Variants in SLC12A3 observed in about 807,000 individuals in gnomAD.
SLC12A3 encodes solute carrier family 12 member 3.
In SLC12A3, 104 loss-of-function variants were observed where a neutral mutation model predicts 121.0. The ratio of observed to expected loss-of-function variants is 0.86; its 90% confidence interval spans 0.73 to 1.01. The LOEUF is 1.01. SLC12A3 is among the 50% of genes least tolerant of loss of function. SLC12A3 has a pLI of 0.00. For synonymous variants in SLC12A3, 536 were observed against 533.4 expected (o/e 1.00, Z -0.07); for missense variants, 1,328 against 1,356.3 (o/e 0.98, Z 0.33).
At chr16:56,900,217 G>T (rs143276561) in intron 23 of SLC12A3, among the ~76,000 whole-genome samples, 155 of 152,218 alleles carry the variant, frequency 1.0e-3, no homozygotes, top group Middle Eastern at 3.4e-3. Context: ...GAAAGGAGCT[G>T]TGTAATAGTG....
chr16:56,892,117 G>A lies in SLC12A3; in HGVS notation c.2403G>A (p.Lys801=). The A allele has an allele frequency of 6.2e-7, 1 of 1,613,966 alleles. No individual in the cohort carries two copies. The highest frequency in any genetic ancestry group is 1.1e-5 in the South Asian group (1 of 91,068). ...TGTTTGACCCAGCGGAGGACGGGAA[G>A]GAAGCCAGCGCCAGAGGTGCCAGGC... is the stretch of plus-strand genomic sequence containing the variant. The part of the protein sequence containing the change: ...NPVFDPAEDG[K]EASARVDPKA... The change falls in exon 20 of 26, where the codon AAG becomes AAA. Residue 801 remains lysine, a synonymous_variant. Coordinates refer to ENST00000563236, the MANE Select transcript of SLC12A3 (RefSeq NM_001126108.2).
chr16:56,898,678 G>A (rs2055497984), intron 22 of SLC12A3, among the ~76,000 whole-genome samples: 1 of 152,090 alleles, frequency 6.6e-6, no homozygotes, highest in Non-Finnish European at 1.5e-5. Context: ...CCACCTCTGT[G>A]AAGTCTTCCC....
rs13306668 is a variant in SLC12A3, at chr16:56,879,088, G to C, written c.1196G>C (p.Arg399Pro). 1 of 1,611,818 alleles carries C rather than the reference G, an allele frequency of 6.2e-7. No individual in the cohort carries two copies. Among genetic ancestry groups the C allele is most frequent in the Non-Finnish European group, 8.5e-7 (1 of 1,179,332 alleles). The part of the protein sequence containing the change: ...ISATIGSCVV[R>P]DASGVLNDTV... Reference sequence around the variant, plus strand: ...CTCCTCTCAGGCTCCTGCGTGGTGCGTGATGCCTCTGGGGTCCTGAATGAC... The same window carrying C: ...CTCCTCTCAGGCTCCTGCGTGGTGCCTGATGCCTCTGGGGTCCTGAATGAC... Residue 399 changes from arginine to proline, a missense_variant, in exon 10 of 26, where the codon CGT (arginine) becomes CCT (proline). Physicochemically the swap from Arg to Pro is moderately radical, Grantham distance 103 (BLOSUM62 -2). Transcript: ENST00000563236.
intron 25 of SLC12A3, among the ~76,000 whole-genome samples, chr16:56,907,284 C>T (rs1464716662): frequency 3.9e-5 from 6 of 152,130 alleles, no homozygotes; most frequent in Non-Finnish European, 7.4e-5. Flanking sequence ...GGTGAAACCC[C>T]ACCTCTACTA....
At chr16:56,893,290 G>A (rs1421448473) in intron 21 of SLC12A3, among the ~76,000 whole-genome samples, 1 of 152,228 alleles carries the variant, frequency 6.6e-6, no homozygotes, top group African/African-American at 2.4e-5. Context: ...TGACTGGATG[G>A]CCCTTAGGGG....
At chr16:56,882,819 G>C (rs1404388157) in intron 13 of SLC12A3, among the ~76,000 whole-genome samples, 3 of 151,956 alleles carry the variant, frequency 2.0e-5, no homozygotes, top group African/African-American at 7.3e-5. Context: ...GCGGTCACCT[G>C]TAATCCAAGC....
chr16:56,873,938 C>T (rs1176258383), intron 8 of SLC12A3, among the ~76,000 whole-genome samples: 1 of 152,134 alleles, frequency 6.6e-6, no homozygotes, highest in African/African-American at 2.4e-5. Flanking sequence ...TCTCGATCTC[C>T]TGACCTCAAG....
rs1357418036 is a variant in SLC12A3, at chr16:56,887,996, C to T, written c.2250C>T (p.His750=). The T allele has an allele frequency of 1.2e-6, 2 of 1,612,014 alleles. No individual in the cohort carries two copies. Among genetic ancestry groups the T allele is most frequent in the Non-Finnish European group, 1.7e-6 (2 of 1,178,828 alleles). ...TCAAGAAGAACTGGCAGTCGGCTCACCCGGCCACAGTGGAAGACTACATTG... is the reference window on the plus strand; with the variant it reads ...TCAAGAAGAACTGGCAGTCGGCTCATCCGGCCACAGTGGAAGACTACATTG... The part of the protein sequence containing the change: ...VGFKKNWQSA[H]PATVEDYIGI... The change falls in exon 18 of 26, where the codon CAC becomes CAT. Residue 750 remains histidine (H), a synonymous_variant. Transcript: ENST00000563236.
chr16:56,892,924 C>A, intron 20 of SLC12A3, 29 bp from the exon 21 acceptor site: 1 of 1,595,496 alleles, frequency 6.3e-7, no homozygotes, highest in Non-Finnish European at 8.6e-7. Flanking sequence ...GCTGCTGGCT[C>A]TGCTCTGACC....
chr16:56,914,169 A>T lies in SLC12A3; in HGVS notation c.*764A>T, dbSNP rs2055723624. On this transcript the variant is annotated 3_prime_UTR_variant, in exon 26 of 26. Transcript: ENST00000563236. ...GGTGATCCACCCACCTCGGTCTCCC[A>T]AAGTGCTGGGGTTACAGGCCTGAGC... The T allele has an allele frequency of 6.6e-6, 1 of 152,232 alleles. No homozygotes were observed. The highest frequency in any genetic ancestry group is 2.4e-5 in the African/African-American group (1 of 41,444). 9.4% of individuals were successfully genotyped at this position (152,232 alleles called of 1,614,324 possible). A position where few individuals can be genotyped will look rare whatever the true frequency, so the allele number is the denominator to read the frequency against.
intron 24 of SLC12A3, 23 bp downstream of exon 24, chr16:56,902,531 G>GGGGCCC: frequency 9.8e-6 from 7 of 714,500 alleles, no homozygotes; most frequent in East Asian, 4.1e-5. Context: ...GTGGGGGTGG[G>GGGGCCC]AAACGCGACA....
At chr16:56,912,996 C>T (rs1012191209) in intron 25 of SLC12A3, among the ~76,000 whole-genome samples, 8 of 151,766 alleles carry the variant, frequency 5.3e-5, no homozygotes, top group Admixed American at 2.6e-4. Flanking sequence ...GTGAGCAAGG[C>T]GAGGGTGGGA....
At position 56,906,051 on chromosome 16, in the gene SLC12A3, GGTGATA is replaced by G. The variant is rs367913777; in HGVS notation, c.2924+1590_2924+1595del. On this transcript the variant is annotated intron_variant, in intron 25 of 25. Transcript: ENST00000563236. The stretch of plus-strand genomic sequence containing the variant: ...CAGATAGGAGGGATCCTTCAGCTCT[GGTGATA>G]CAACCCATTCCCAGACTTGTCACCA... 5.3e-3 allele frequency among the ~76,000 whole-genome samples: 805 copies of G among 152,206 alleles called. 14 individuals are homozygous for G. The highest frequency in any genetic ancestry group is 0.018 in the African/African-American group (765 of 41,516).
At chr16:56,872,603 A>AG (rs1207909718) in intron 7 of SLC12A3, 53 bp from the exon 8 acceptor site, 52 of 1,613,702 alleles carry the variant, frequency 3.2e-5, no homozygotes, top group African/African-American at 1.2e-4. Flanking sequence ...GGTCCCAGCA[A>AG]GGGGGGTCAA....
intron 21 of SLC12A3, among the ~76,000 whole-genome samples, chr16:56,893,965 TTTTTATTTTATTTA>T (rs544811610): frequency 0.032 from 4,408 of 135,914 alleles, 199 homozygotes; most frequent in African/African-American, 0.11. Context: ...TTTATTTTTA[TTTTTATTTTATTTA>T]TTTATTTATT....
chr16:56,892,148 GTC>G lies in SLC12A3; in HGVS notation c.2419+19_2419+20del. ...CAGCGCCAGAGGTGCCAGGCCATCA[GTC>G]TCTGGCGCTTGTCAGTGTTCCCACT... On this transcript the variant is annotated intron_variant, in intron 20 of 25. Coordinates refer to ENST00000563236, the MANE Select transcript of SLC12A3 (RefSeq NM_001126108.2). The G allele has an allele frequency of 6.2e-7, 1 of 1,612,972 alleles. No individual in the cohort carries two copies. The highest frequency in any genetic ancestry group is 8.5e-7 in the Non-Finnish European group (1 of 1,179,056).
rs2055082369 is a variant in SLC12A3 at position 56,870,699 on chromosome 16, T to TG, written c.817dup (p.Ala273GlyfsTer38). ...GCCGTGGTCTCGGTCACTGTGCTGC[T>TG]GGCCATCTCCCTGGCTGGCATGGAG... On this transcript the variant is annotated frameshift_variant, in exon 6 of 26. Transcript: ENST00000563236. LOFTEE classifies it high-confidence loss of function. The TG allele has an allele frequency of 1.2e-6, 2 of 1,613,670 alleles. No homozygotes were observed.
At chr16:56,867,000 A>C (rs1964369932) in intron 1 of SLC12A3, 70 bp from the exon 2 acceptor site, 3 of 1,590,976 alleles carry the variant, frequency 1.9e-6, no homozygotes, top group Non-Finnish European at 2.6e-6. Context: ...GGTGCAGGTC[A>C]GTGGGCTGGA....
chr16:56,885,286 T>A lies in SLC12A3; in HGVS notation c.1847T>A (p.Val616Glu). Residue 616 changes from valine (V) to glutamate (E), a missense_variant, in exon 15 of 26, where the codon GTA becomes GAA. Coordinates refer to ENST00000563236, the MANE Select transcript of SLC12A3 (RefSeq NM_001126108.2). ...CCAGAGGTAAATTGGGGCTCCTCGG[T>A]ACAGGCTGGCTCCTACAACCTGGCC... ...KKPEVNWGSS[V>E]QAGSYNLALS... 1.3e-6 allele frequency: 2 copies of A among 1,553,788 alleles called. No homozygotes were observed. The highest frequency in any genetic ancestry group is 1.7e-6 in the Non-Finnish European group (2 of 1,148,096).
Sources: allele counts gnomAD v4.1 joint callset (sites outside exome capture counted in the v4.1 genomes callset), GRCh38; gene constraint gnomAD v4.1.1; transcripts MANE v1.5; gene names NCBI Gene and HGNC (gene_info 2026-07-23, HGNC 2026-07-21).